The following WDR33 variants were observed in gnomAD, a reference collection of about 807,000 sequenced individuals.
The protein encoded by WDR33 is pre-mRNA 3' end processing protein WDR33.
Under a neutral mutation model 164.9 loss-of-function variants are expected in WDR33, and 47 were observed. The observed-to-expected ratio is 0.29, with a 90% CI of 0.23 to 0.36. The LOEUF is 0.36. WDR33 is among the 10% of genes least tolerant of loss of function. WDR33 has a pLI of 1.00. For synonymous variants in WDR33, 505 were observed against 589.0 expected (o/e 0.86, Z 2.06); for missense variants, 1,137 against 1,754.1 (o/e 0.65, Z 6.28).
In WDR33 at chr2:127,722,885, A is replaced by G; in HGVS notation, c.1378+73T>C. ...ACATAAATCATTTTGGTATTTCAAT[A>G]TATTTATCAGGAACATAAACGGGTC... On this transcript the variant is annotated intron_variant, in intron 13 of 21. Transcript: ENST00000322313. This position sits in a 1 kb window ranked among gnomAD's most constrained non-coding sequence, Gnocchi z 5.1. 6.9e-7 allele frequency: 1 copy of G among 1,447,034 alleles called. No individual in the cohort carries two copies. The highest frequency in any genetic ancestry group is 9.4e-7 in the Non-Finnish European group (1 of 1,069,434). The allele number at this position is 1,447,034 out of a possible 1,614,324, so 89.6% of individuals were successfully genotyped here. A position where few individuals can be genotyped will look rare whatever the true frequency, so the allele number is the denominator to read the frequency against.
At chr2:127,796,338 T>A (rs1210962897) in intron 1 of WDR33, among the ~76,000 whole-genome samples, 1 of 151,992 alleles carries the variant, frequency 6.6e-6, no homozygotes, top group Non-Finnish European at 1.5e-5. Context: ...CCTCCCAAAG[T>A]ACTGGGATTA....
At chr2:127,731,720 G>A (rs1686711666) in intron 7 of WDR33, among the ~76,000 whole-genome samples, 2 of 152,116 alleles carry the variant, frequency 1.3e-5, no homozygotes, top group Admixed American at 1.3e-4. Flanking sequence ...TCTATATCTA[G>A]ATTAGAATGT....
At position 127,738,331 on chromosome 2, in the gene WDR33, C is replaced by T. The variant is rs11682274; in HGVS notation, c.725-11554G>A. On this transcript the variant is annotated intron_variant, in intron 7 of 21. Coordinates refer to ENST00000322313, the MANE Select transcript of WDR33 (RefSeq NM_018383.5). This position sits in a 1 kb window ranked among gnomAD's most constrained non-coding sequence, Gnocchi z 4.4. ...ATTCCCATAAAATATCCATTTAGTC[C>T]ATACTGATATAAGCAAATAACTGAA... 0.054 allele frequency among the ~76,000 whole-genome samples: 8,255 copies of T among 152,158 alleles called. 289 individuals carry two copies. Among genetic ancestry groups the T allele is most frequent in the Non-Finnish European group, 0.085 (5,755 of 67,992 alleles).
At position 127,708,151 on chromosome 2, in the gene WDR33, A is replaced by G. The variant is rs1686063774; in HGVS notation, c.3781+526T>C. Among the ~76,000 whole-genome samples the G allele has an allele frequency of 6.6e-6, 1 of 152,190 alleles. No homozygotes were observed. The highest frequency in any genetic ancestry group is 2.4e-5 in the African/African-American group (1 of 41,432). ...TTCAGAGGCAACTACTCCTGGCTAA[A>G]GTTAGTGCTGCCTATAACATAAAGC... On this transcript the variant is annotated intron_variant, in intron 21 of 21. Coordinates refer to ENST00000322313, the MANE Select transcript of WDR33 (RefSeq NM_018383.5). The surrounding 1 kb of genome is among the most constrained non-coding windows in gnomAD (Gnocchi z 6.7).
chr2:127,783,184 T>A (rs1688434126), intron 1 of WDR33, among the ~76,000 whole-genome samples: 1 of 152,208 alleles, frequency 6.6e-6, no homozygotes, highest in Non-Finnish European at 1.5e-5. Context: ...ATTACTGAAG[T>A]ATTTTAGTGA....
rs1025882054 is a variant in WDR33, at chr2:127,704,514, G to C, written c.*1809C>G. On this transcript the variant is annotated 3_prime_UTR_variant, in exon 22 of 22. Coordinates refer to ENST00000322313, the MANE Select transcript of WDR33 (RefSeq NM_018383.5). Reference sequence around the variant, plus strand: ...GTTTCTCTCTCTTTAAGCTATACCAGTTGGGGGTGAGTGAAGAAATACCCA... The same window carrying C: ...GTTTCTCTCTCTTTAAGCTATACCACTTGGGGGTGAGTGAAGAAATACCCA... 3 of 167,076 alleles carry C rather than the reference G, an allele frequency of 1.8e-5. No individual in the cohort carries two copies. Among genetic ancestry groups the C allele is most frequent in the South Asian group, 4.1e-4 (2 of 4,826 alleles). The allele number at this position is 167,076 out of a possible 1,614,324, so 10.3% of individuals were successfully genotyped here. A position where few individuals can be genotyped will look rare whatever the true frequency, so the allele number is the denominator to read the frequency against.
chr2:127,778,793 C>T (rs1215519678), intron 1 of WDR33, among the ~76,000 whole-genome samples: 1 of 152,130 alleles, frequency 6.6e-6, no homozygotes. Flanking sequence ...ACTCAGCATA[C>T]CAAGGCCAGC....
intron 1 of WDR33, among the ~76,000 whole-genome samples, chr2:127,799,728 A>G (rs139630812): frequency 3.0e-4 from 45 of 152,290 alleles, no homozygotes; most frequent in African/African-American, 1.0e-3. Flanking sequence ...AGAAAAATGC[A>G]AAACAAAACC....
At chr2:127,731,451 T>G (rs78734340) in intron 7 of WDR33, among the ~76,000 whole-genome samples, 3,243 of 152,252 alleles carry the variant, frequency 0.021, 126 homozygotes, top group African/African-American at 0.075. Context: ...CCATTATCTA[T>G]CACAATCTTA....
At chr2:127,796,146 A>G (rs528983508) in intron 1 of WDR33, among the ~76,000 whole-genome samples, 1 of 149,688 alleles carries the variant, frequency 6.7e-6, no homozygotes, top group African/African-American at 2.5e-5. Flanking sequence ...ATCATAGCTC[A>G]CTGCAACCTT....
intron 1 of WDR33, among the ~76,000 whole-genome samples, chr2:127,779,975 ATTTT>A (rs1201664053): frequency 6.3e-5 from 9 of 142,690 alleles, no homozygotes; most frequent in African/African-American, 2.1e-4. Context: ...GGTTTTTTTG[ATTTT>A]TTTTTTTTTT....
In WDR33 at chr2:127,702,901, G is replaced by A. The variant is rs1169172295; in HGVS notation, c.*3422C>T. On this transcript the variant is annotated 3_prime_UTR_variant, in exon 22 of 22. Coordinates refer to ENST00000322313, the MANE Select transcript of WDR33 (RefSeq NM_018383.5). The stretch of plus-strand genomic sequence containing the variant: ...GGTCTCTTCGGAAATCCTGCAAATA[G>A]AAAGATAATTCTAGATCCGGAATAC... 3 of 166,626 alleles carry A rather than the reference G, an allele frequency of 1.8e-5. No individual in the cohort carries two copies. The highest frequency in any genetic ancestry group is 6.8e-3 in the Middle Eastern group (2 of 292). 10.3% of individuals were successfully genotyped at this position (166,626 alleles called of 1,614,324 possible).
intron 7 of WDR33, among the ~76,000 whole-genome samples, chr2:127,733,058 A>G (rs1443294867): frequency 6.6e-6 from 1 of 152,216 alleles, no homozygotes; most frequent in Non-Finnish European, 1.5e-5. Context: ...AGGTAACGAG[A>G]GTTTTTGTAG....
At chr2:127,795,213 G>A (rs1158796946) in intron 1 of WDR33, among the ~76,000 whole-genome samples, 1 of 148,994 alleles carries the variant, frequency 6.7e-6, no homozygotes, top group African/African-American at 2.5e-5. Context: ...CAATTCTCCT[G>A]CCTCAGCCTC....
chr2:127,806,257 C>T (rs1401995049), intron 1 of WDR33, among the ~76,000 whole-genome samples: 4 of 143,846 alleles, frequency 2.8e-5, no homozygotes, highest in African/African-American at 1.0e-4. Flanking sequence ...GCCCTGGCTG[C>T]AGTGCAGTGG....
chr2:127,740,705 G>T (rs576631708), intron 7 of WDR33, among the ~76,000 whole-genome samples: 1 of 152,178 alleles, frequency 6.6e-6, no homozygotes, highest in Non-Finnish European at 1.5e-5. Context: ...TGGAACTTGG[G>T]AGAATATCAG....
intron 1 of WDR33, 113 bp from the exon 2 acceptor site, chr2:127,771,117 T>C (rs952223241): frequency 1.6e-5 from 13 of 822,204 alleles, no homozygotes; most frequent in Non-Finnish European, 2.3e-5. Flanking sequence ...ACGTGCATCA[T>C]TTCCACTTAC....
intron 1 of WDR33, among the ~76,000 whole-genome samples, chr2:127,785,379 G>A (rs1417007422): frequency 6.6e-6 from 1 of 152,128 alleles, no homozygotes; most frequent in Non-Finnish European, 1.5e-5. Context: ...GTTCACTCTT[G>A]ATGTGCTTTC....
At chr2:127,728,964 A>T (rs1686636166) in intron 7 of WDR33, among the ~76,000 whole-genome samples, 1 of 152,224 alleles carries the variant, frequency 6.6e-6, no homozygotes, top group Non-Finnish European at 1.5e-5. Context: ...ACCCAAAAGG[A>T]ACCACAAAAT....
Sources: gnomAD v4.1 joint callset for allele counts (sites outside exome capture counted in the v4.1 genomes callset) on GRCh38, gnomAD v4.1.1 for gene constraint, Gnocchi (gnomAD v3.1) non-coding constraint, MANE v1.5 for transcripts, NCBI Gene and HGNC (gene_info 2026-07-23, HGNC 2026-07-21) for gene names.